The following HDAC8 variants were observed in gnomAD, a reference collection of about 807,000 sequenced individuals.
HDAC8 encodes the protein histone deacetylase-like 1.
HDAC8 carries 1 observed loss-of-function variant against 32.2 expected under a neutral mutation model. The ratio of observed to expected loss-of-function variants is 0.03; its 90% CI spans 0.01 to 0.15. The LOEUF is 0.15. HDAC8 is among the 10% of genes least tolerant of loss of function. HDAC8 has a pLI of 1.00. For synonymous variants in HDAC8, 108 were observed against 113.9 expected (o/e 0.95, Z 0.33); for missense variants, 117 against 300.0 (o/e 0.39, Z 4.51).
In HDAC8 at chrX:72,408,598, G is replaced by A. The variant is rs143788119; in HGVS notation, c.1005+53406C>T. Among the ~76,000 whole-genome samples, 1,010 of 111,183 alleles carry A rather than the reference G, an allele frequency of 9.1e-3. 15 individuals are homozygous for A. The highest frequency in any genetic ancestry group is 0.031 in the African/African-American group (947 of 30,548). ...TTTTTGTATTTTGAGTACAGATGGG[G>A]TTTCACCATGTTGGCCAGGCTGGTC... On this transcript the variant is annotated intron_variant, in intron 9 of 10. Coordinates refer to ENST00000373573, the MANE Select transcript of HDAC8 (RefSeq NM_018486.3).
chrX:72,441,320 GTACTCC>G (rs2047137724), intron 9 of HDAC8, among the ~76,000 whole-genome samples: 2 of 111,827 alleles, frequency 1.8e-5, no homozygotes, highest in Admixed American at 9.5e-5. Flanking sequence ...ACACGGCCGG[GTACTCC>G]TCTGAGACAA....
At chrX:72,372,398 T>G (rs1382065138) in intron 9 of HDAC8, among the ~76,000 whole-genome samples, 1 of 111,394 alleles carries the variant, frequency 9.0e-6, no homozygotes, top group Admixed American at 9.6e-5. Context: ...ATAGAGAGTA[T>G]GTCTTTTTTA....
intron 9 of HDAC8, among the ~76,000 whole-genome samples, chrX:72,397,340 A>G (rs1158388771): frequency 2.7e-5 from 3 of 111,992 alleles, no homozygotes; most frequent in African/African-American, 9.7e-5. Context: ...AAGAGTCTTT[A>G]TCTCTTCTGC....
At chrX:72,511,343 C>T (rs184297853) in intron 4 of HDAC8, among the ~76,000 whole-genome samples, 6 of 111,301 alleles carry the variant, frequency 5.4e-5, no homozygotes, top group Admixed American at 1.9e-4. Flanking sequence ...ACTGGGTAGA[C>T]GAATTAAATG....
At chrX:72,559,281 A>G (rs1483170842) in intron 4 of HDAC8, among the ~76,000 whole-genome samples, 3 of 108,234 alleles carry the variant, frequency 2.8e-5, no homozygotes, top group Admixed American at 2.0e-4. Context: ...TGTGTTGGCC[A>G]GGCTGGTCTC....
At chrX:72,354,545 G>A (rs1213150673) in intron 9 of HDAC8, among the ~76,000 whole-genome samples, 1 of 112,503 alleles carries the variant, frequency 8.9e-6, no homozygotes, top group African/African-American at 3.2e-5. Flanking sequence ...TCAATTCATA[G>A]CATTAACAGT....
At chrX:72,495,999 G>A (rs568851918) in intron 4 of HDAC8, among the ~76,000 whole-genome samples, 11 of 111,675 alleles carry the variant, frequency 9.9e-5, no homozygotes, top group South Asian at 7.5e-4. Flanking sequence ...AGGTTAACCC[G>A]CTCTTTTACT....
intron 10 of HDAC8, among the ~76,000 whole-genome samples, chrX:72,339,201 C>G (rs1340766208): frequency 9.0e-6 from 1 of 111,499 alleles, no homozygotes; most frequent in Non-Finnish European, 1.9e-5. Context: ...CACCCCCGCT[C>G]TCATCCAGCT....
intron 10 of HDAC8, among the ~76,000 whole-genome samples, chrX:72,332,974 T>C (rs1408981174): frequency 2.7e-5 from 3 of 112,143 alleles, no homozygotes; most frequent in East Asian, 5.6e-4. Context: ...TAGATACAAA[T>C]CTGTTGTGGG....
intron 4 of HDAC8, among the ~76,000 whole-genome samples, chrX:72,556,955 G>A (rs1317979218): frequency 8.9e-6 from 1 of 112,110 alleles, no homozygotes; most frequent in African/African-American, 3.2e-5. Flanking sequence ...GGTGGCTCAC[G>A]CCTGTAATCC....
chrX:72,336,530 T>G (rs1418764461), intron 10 of HDAC8, among the ~76,000 whole-genome samples: 1 of 112,336 alleles, frequency 8.9e-6, no homozygotes, highest in Admixed American at 9.4e-5. Context: ...TCTGTATATC[T>G]TCTTTGGTGA....
At chrX:72,418,793 G>A (rs2046412919) in intron 9 of HDAC8, among the ~76,000 whole-genome samples, 1 of 111,213 alleles carries the variant, frequency 9.0e-6, no homozygotes, top group Non-Finnish European at 1.9e-5. Flanking sequence ...TTGATTTATT[G>A]TCAGTTAATT....
At chrX:72,474,526 G>A (rs2048275563) in intron 7 of HDAC8, 2 of 1,092,554 alleles carry the variant, frequency 1.8e-6, no homozygotes, top group Non-Finnish European at 2.4e-6. Flanking sequence ...CCAGAAAGGA[G>A]GGGGAGGACA....
chrX:72,565,493 C>A (rs909812616), intron 4 of HDAC8, among the ~76,000 whole-genome samples: 1 of 111,714 alleles, frequency 9.0e-6, no homozygotes, highest in African/African-American at 3.3e-5. Context: ...ACAGTTAAGG[C>A]GATATATGTG....
chrX:72,332,253 G>A (rs2043545311), intron 10 of HDAC8, among the ~76,000 whole-genome samples: 1 of 112,566 alleles, frequency 8.9e-6, no homozygotes, highest in Non-Finnish European at 1.9e-5. Context: ...TCACATACAG[G>A]TTTTTGTGTG....
intron 4 of HDAC8, among the ~76,000 whole-genome samples, chrX:72,499,877 C>T (rs891080888): frequency 2.7e-5 from 3 of 110,771 alleles, no homozygotes; most frequent in African/African-American, 9.9e-5. Context: ...TAAGATAGGC[C>T]GCTAGCTAGA....
At chrX:72,447,122 T>A (rs1374900881) in intron 9 of HDAC8, among the ~76,000 whole-genome samples, 1 of 111,958 alleles carries the variant, frequency 8.9e-6, no homozygotes, top group Non-Finnish European at 1.9e-5. Flanking sequence ...CAAAACCTGG[T>A]AGAGACACAG....
At chrX:72,386,160 G>T (rs2045420697) in intron 9 of HDAC8, among the ~76,000 whole-genome samples, 1 of 112,012 alleles carries the variant, frequency 8.9e-6, no homozygotes, top group African/African-American at 3.2e-5. Flanking sequence ...GGATGTATGT[G>T]GGTAGATCTT....
chrX:72,369,113 C>G (rs1602602558), intron 9 of HDAC8, among the ~76,000 whole-genome samples: 1 of 108,121 alleles, frequency 9.2e-6, no homozygotes, highest in East Asian at 2.9e-4. Context: ...TCCCCGCCCC[C>G]ACACCCCTCA....
Sources: gnomAD v4.1 joint callset for allele counts (sites outside exome capture counted in the v4.1 genomes callset) on GRCh38, gnomAD v4.1.1 for gene constraint, MANE v1.5 for transcripts, NCBI Gene and HGNC (gene_info 2026-07-23, HGNC 2026-07-21) for gene names.